The following DNAH9 variants were observed in gnomAD, a reference collection of about 807,000 sequenced individuals.
DNAH9 encodes DNAH9 variant protein.
In DNAH9, 345 loss-of-function variants were observed where a neutral mutation model predicts 471.6. That is an observed-to-expected ratio of 0.73 (90% CI 0.67 to 0.80). DNAH9 has a LOEUF of 0.80. Ranked by LOEUF, DNAH9 falls within the 30% of genes least tolerant of loss-of-function variation. DNAH9 has a pLI of 0.00. For synonymous variants in DNAH9, 2,093 were observed against 2,123.6 expected (o/e 0.99, Z 0.40); for missense variants, 5,407 against 5,609.2 (o/e 0.96, Z 1.15).
Position 11,690,082 on chromosome 17 carries a change from C to T in DNAH9, c.4260C>T (p.Val1420=). The T allele has an allele frequency of 6.2e-7, 1 of 1,614,162 alleles. No individual in the cohort carries two copies. Among genetic ancestry groups the T allele is most frequent in the Non-Finnish European group, 8.5e-7 (1 of 1,180,040 alleles). Reference sequence around the variant, plus strand: ...AGCTGCACCACTATGAGGATGAGGTCCGGGGCATTGTGGACAAAGCTGCAA... The same window carrying T: ...AGCTGCACCACTATGAGGATGAGGTTCGGGGCATTGTGGACAAAGCTGCAA... The part of the protein sequence containing the change: ...QLQLHHYEDE[V]RGIVDKAAKE... Residue 1420 remains valine, a synonymous_variant, in exon 20 of 69, where the codon GTC becomes GTT. Transcript: ENST00000262442.
intron 32 of DNAH9, among the ~76,000 whole-genome samples, chr17:11,748,170 A>T (rs1966977132): frequency 6.7e-6 from 1 of 148,444 alleles, no homozygotes. Context: ...AAAAAAAAAA[A>T]AAAAAAATCA....
At chr17:11,637,707 A>G (rs2073190023) in intron 9 of DNAH9, among the ~76,000 whole-genome samples, 2 of 152,200 alleles carry the variant, frequency 1.3e-5, no homozygotes, top group Non-Finnish European at 1.5e-5. Flanking sequence ...ATGGCCTCTG[A>G]CATCTGAAAA....
intron 17 of DNAH9, among the ~76,000 whole-genome samples, chr17:11,679,042 A>G (rs779746890): frequency 7.9e-5 from 12 of 151,980 alleles, no homozygotes; most frequent in Non-Finnish European, 1.5e-4. Flanking sequence ...TAGATCTTCT[A>G]CTCAGTTATT....
intron 28 of DNAH9, among the ~76,000 whole-genome samples, chr17:11,733,749 T>C (rs186311441): frequency 1.1e-3 from 160 of 150,368 alleles, no homozygotes; most frequent in African/African-American, 3.7e-3. Flanking sequence ...TCCCAGCTAC[T>C]TGGGAGGCTG....
At chr17:11,867,523 A>G (rs1972103812) in intron 50 of DNAH9, among the ~76,000 whole-genome samples, 1 of 152,070 alleles carries the variant, frequency 6.6e-6, no homozygotes, top group Non-Finnish European at 1.5e-5. Context: ...TTGTGGATGA[A>G]TCATCTTGAA....
chr17:11,644,775 G>A, intron 11 of DNAH9, 76 bp downstream of exon 11: 2 of 1,017,700 alleles, frequency 2.0e-6, no homozygotes, highest in Non-Finnish European at 3.0e-6. Flanking sequence ...CCGAGTTTGT[G>A]CAGATTCCTC....
In DNAH9 at chr17:11,698,176, ATAT is replaced by A. The variant is rs368710209; in HGVS notation, c.4873-1548_4873-1546del. On this transcript the variant is annotated intron_variant, in intron 22 of 68. Transcript: ENST00000262442. ...ATTATTAATATATTATTATATTAAT[ATAT>A]TATTATATTAATATAATAATATATT... 1.8e-3 allele frequency among the ~76,000 whole-genome samples: 182 copies of A among 102,772 alleles called. 2 individuals carry two copies. The highest frequency in any genetic ancestry group is 6.9e-3 in the African/African-American group (164 of 23,670). 67.4% of individuals were successfully genotyped at this position (102,772 alleles called of 152,430 possible).
chr17:11,911,657 T>C (rs1271397608), intron 61 of DNAH9, among the ~76,000 whole-genome samples: 2 of 152,220 alleles, frequency 1.3e-5, no homozygotes, highest in Non-Finnish European at 2.9e-5. Context: ...CTGCACTGAA[T>C]ATGTAGATAA....
At position 11,690,305 on chromosome 17, in the gene DNAH9, G is replaced by A; in HGVS notation, c.4483G>A (p.Val1495Met). ...SKYVAFFLEE[V>M]SGWQKKLSTV... ...GTATGTTGCTTTCTTCTTGGAGGAG[G>A]TGTCGGGCTGGCAGAAGAAGCTGTC... Residue 1495 changes from valine to methionine, a missense_variant, in exon 20 of 69, where the codon GTG becomes ATG. Val to Met is a conservative substitution (Grantham distance 21, BLOSUM62 1). Transcript: ENST00000262442. 1 of 1,614,188 alleles carries A rather than the reference G, an allele frequency of 6.2e-7. No individual in the cohort carries two copies. Among genetic ancestry groups the A allele is most frequent in the Non-Finnish European group, 8.5e-7 (1 of 1,180,034 alleles).
intron 66 of DNAH9, among the ~76,000 whole-genome samples, chr17:11,941,364 G>T (rs1425267369): frequency 6.6e-6 from 1 of 152,094 alleles, no homozygotes; most frequent in Admixed American, 6.6e-5. Context: ...CAACCTGCTG[G>T]CTGTGTGGTC....
chr17:11,808,051 C>T (rs1170538358), intron 44 of DNAH9, among the ~76,000 whole-genome samples, 157 bp downstream of exon 44: 1 of 152,200 alleles, frequency 6.6e-6, no homozygotes, highest in African/African-American at 2.4e-5. Context: ...ATGTGAATGA[C>T]TTCTCATTAG....
intron 38 of DNAH9, among the ~76,000 whole-genome samples, chr17:11,776,744 T>A (rs1246005003): frequency 6.6e-6 from 1 of 152,216 alleles, no homozygotes; most frequent in African/African-American, 2.4e-5. Flanking sequence ...AGCATATGGA[T>A]ATCTTCTTCT....
In DNAH9 at chr17:11,651,123, A is replaced by G. The variant is rs1789416130; in HGVS notation, c.2152A>G (p.Met718Val). The G allele has an allele frequency of 1.2e-6, 2 of 1,614,166 alleles. No individual in the cohort carries two copies. Among genetic ancestry groups the G allele is most frequent in the Non-Finnish European group, 1.7e-6 (2 of 1,180,008 alleles). The part of the protein sequence containing the change: ...SYLEPREMKH[M>V]PETAAAMFSS... Reference sequence around the variant, plus strand: ...TCTTGAACCCAGAGAGATGAAACACATGCCTGAGACAGCAGCAGCCATGTT... The same window carrying G: ...TCTTGAACCCAGAGAGATGAAACACGTGCCTGAGACAGCAGCAGCCATGTT... Residue 718 changes from methionine (M) to valine (V), a missense_variant, in exon 13 of 69, where the codon ATG becomes GTG. Around this residue, in one of 3 missense-constraint regions of DNAH9, gnomAD observed 4,636 missense variants for 4,900.3 expected, o/e 0.95. Coordinates refer to ENST00000262442, the MANE Select transcript of DNAH9 (RefSeq NM_001372.4).
At chr17:11,610,625 T>C (rs1029431009) in intron 3 of DNAH9, 71 bp downstream of exon 3, 21 of 1,476,576 alleles carry the variant, frequency 1.4e-5, no homozygotes, top group Non-Finnish European at 1.9e-5. Flanking sequence ...AGAGCTTTCC[T>C]GGGTTAAGCC....
intron 60 of DNAH9, among the ~76,000 whole-genome samples, chr17:11,904,384 A>G (rs1348025721): frequency 6.6e-6 from 1 of 152,074 alleles, no homozygotes; most frequent in African/African-American, 2.4e-5. Flanking sequence ...TAATCCCAGC[A>G]CTTTGTCAGG....
chr17:11,909,955 C>G (rs960863071), intron 61 of DNAH9, among the ~76,000 whole-genome samples: 1 of 152,154 alleles, frequency 6.6e-6, no homozygotes, highest in African/African-American at 2.4e-5. Context: ...CTTTCTGTCT[C>G]TAAATATTTG....
intron 66 of DNAH9, among the ~76,000 whole-genome samples, chr17:11,939,081 T>C (rs1382990339): frequency 6.6e-6 from 1 of 152,190 alleles, no homozygotes; most frequent in Non-Finnish European, 1.5e-5. Flanking sequence ...AATTTTAATA[T>C]GCCTAAGAAT....
intron 38 of DNAH9, among the ~76,000 whole-genome samples, chr17:11,771,343 G>A (rs1469505068): frequency 6.6e-6 from 1 of 152,144 alleles, no homozygotes; most frequent in South Asian, 2.1e-4. Flanking sequence ...TGGCCAGGCT[G>A]GTCTCGAACT....
At chr17:11,899,315 G>GT (rs1228502131) in intron 59 of DNAH9, among the ~76,000 whole-genome samples, 5 of 152,060 alleles carry the variant, frequency 3.3e-5, no homozygotes, top group Non-Finnish European at 4.4e-5. Flanking sequence ...CTTTGTAAGG[G>GT]TTTTTTAGGT....
Sources: gnomAD v4.1 joint callset for allele counts (sites outside exome capture counted in the v4.1 genomes callset) on GRCh38, gnomAD v4.1.1 for gene constraint, gnomAD v4.1.1 regional missense constraint, MANE v1.5 for transcripts, NCBI Gene and HGNC (gene_info 2026-07-23, HGNC 2026-07-21) for gene names.